WDR89: variants seen among roughly 807,000 people sequenced by gnomAD.
The protein encoded by WDR89 is WD repeat domain 89.
WDR89 carries 17 observed loss-of-function variants against 29.1 expected under a neutral mutation model. The ratio of observed to expected loss-of-function variants is 0.58; its 90% confidence interval spans 0.40 to 0.88. The LOEUF (loss-of-function observed/expected upper bound fraction) is 0.88. WDR89 is among the 40% of genes least tolerant of loss of function. The probability of loss-of-function intolerance (pLI) is 0.00; values close to 1 mark genes in which losing one functional copy is unlikely to be tolerated. For synonymous variants in WDR89, 138 were observed against 157.8 expected (o/e 0.87, Z 0.94); for missense variants, 396 against 456.3 (o/e 0.87, Z 1.20).
intron 2 of WDR89, among the ~76,000 whole-genome samples, chr14:63,614,121 T>A (rs1882159525): frequency 6.6e-6 from 1 of 152,064 alleles, no homozygotes; most frequent in Non-Finnish European, 1.5e-5. Context: ...TGTCTCTATA[T>A]AAGCATGTAG....
rs201451889 is a variant in WDR89, at chr14:63,610,217, C to CT, written c.-31-10245dup. Among the ~76,000 whole-genome samples, 232 of 61,690 alleles carry CT rather than the reference C, an allele frequency of 3.8e-3. 2 individuals carry two copies. Among genetic ancestry groups the CT allele is most frequent in the African/African-American group, 0.023 (225 of 9,644 alleles). 40.5% of individuals were successfully genotyped at this position (61,690 alleles called of 152,430 possible). Reference sequence around the variant, plus strand: ...CCGGGGCGACAGAGTAAGACTCTGTCTTAAAAAAAAAAAAAAAAAAAAAAA... The same window carrying CT: ...CCGGGGCGACAGAGTAAGACTCTGTCTTTAAAAAAAAAAAAAAAAAAAAAAA... On this transcript the variant is annotated intron_variant, in intron 2 of 2. Coordinates refer to ENST00000620954, the MANE Select transcript of WDR89 (RefSeq NM_080666.4).
intron 2 of WDR89, among the ~76,000 whole-genome samples, chr14:63,615,924 T>TAAAA (rs113469632): frequency 0.032 from 4,211 of 132,588 alleles, 212 homozygotes; most frequent in African/African-American, 0.11. Context: ...ACCCTGTCTT[T>TAAAA]AAAAAAAAAA....
Position 63,601,844 on chromosome 14 carries a change from T to G in WDR89, c.-31-1871A>C, listed in dbSNP as rs1342729040. 3 of 824,730 alleles carry G rather than the reference T, an allele frequency of 3.6e-6. No individual in the cohort carries two copies. In the African/African-American group the frequency reaches 5.0e-5, roughly 14 times the overall value. The allele number at this position is 824,730 out of a possible 1,614,324, so 51.1% of individuals were successfully genotyped here. A position where few individuals can be genotyped will look rare whatever the true frequency, so the allele number is the denominator to read the frequency against. On this transcript the variant is annotated intron_variant, in intron 2 of 2. Transcript: ENST00000620954. The stretch of plus-strand genomic sequence containing the variant: ...AGTCACTATTGAAATGGCATCAACA[T>G]GAAGCTGCCCATTCCACCGAAGTTC...
chr14:63,603,737 T>C (rs1895186924), intron 2 of WDR89, among the ~76,000 whole-genome samples: 1 of 152,286 alleles, frequency 6.6e-6, no homozygotes, highest in Admixed American at 6.5e-5. Flanking sequence ...AAGCCCCACA[T>C]GAGAAACTCC....
chr14:63,613,435 C>T (rs1021884066), intron 2 of WDR89, among the ~76,000 whole-genome samples: 19 of 151,814 alleles, frequency 1.3e-4, no homozygotes, highest in African/African-American at 4.6e-4. Context: ...ATTAAAATAC[C>T]TAAATTTTAG....
chr14:63,621,573 G>GGC (rs1882697557), intron 2 of WDR89, among the ~76,000 whole-genome samples: 1 of 152,030 alleles, frequency 6.6e-6, no homozygotes, highest in Non-Finnish European at 1.5e-5. Flanking sequence ...ACTGCAGCCT[G>GGC]AGTGGCAGAG....
chr14:63,622,604 CAA>C (rs945446776), intron 2 of WDR89, among the ~76,000 whole-genome samples: 71 of 150,118 alleles, frequency 4.7e-4, no homozygotes, highest in African/African-American at 1.6e-3. Context: ...ATCAAACAAA[CAA>C]AAAAACCAAA....
intron 2 of WDR89, among the ~76,000 whole-genome samples, chr14:63,612,750 A>T (rs1326184070): frequency 2.0e-5 from 3 of 152,166 alleles, no homozygotes; most frequent in Non-Finnish European, 4.4e-5. Context: ...GGGAGTTGGT[A>T]GGCAACCTCA....
chr14:63,622,040 AAT>A (rs1882728128), intron 2 of WDR89, among the ~76,000 whole-genome samples: 1 of 152,224 alleles, frequency 6.6e-6, no homozygotes, highest in Admixed American at 6.5e-5. Flanking sequence ...CATGAGGGTA[AAT>A]ATAAGACATT....
chr14:63,602,731 C>T (rs1408121031), intron 2 of WDR89, among the ~76,000 whole-genome samples: 9 of 149,568 alleles, frequency 6.0e-5, no homozygotes, highest in Non-Finnish European at 1.2e-4. Context: ...GAGATCGCGC[C>T]GTTGCACTCC....
chr14:63,598,663 C>T lies in WDR89; in HGVS notation c.*116G>A. The T allele has an allele frequency of 1.1e-6, 1 of 925,180 alleles. No individual in the cohort carries two copies. The highest frequency in any genetic ancestry group is 1.5e-6 in the Non-Finnish European group (1 of 665,840). The allele number at this position is 925,180 out of a possible 1,614,324, so 57.3% of individuals were successfully genotyped here. ...CCATTCTCACCATATTTTTCCAGGACTGTTTGCTAACTGGCTTGTTTTTAC... is the reference window on the plus strand; with the variant it reads ...CCATTCTCACCATATTTTTCCAGGATTGTTTGCTAACTGGCTTGTTTTTAC... On this transcript the variant is annotated 3_prime_UTR_variant, in exon 3 of 3. Coordinates refer to ENST00000620954, the MANE Select transcript of WDR89 (RefSeq NM_080666.4).
intron 2 of WDR89, among the ~76,000 whole-genome samples, chr14:63,609,284 C>T (rs991270891): frequency 2.6e-5 from 4 of 152,120 alleles, no homozygotes; most frequent in African/African-American, 9.7e-5. Flanking sequence ...AAATTCATTT[C>T]ACATTTTAAA....
rs572080635 is a variant in WDR89 at position 63,631,968 on chromosome 14, C to T, written c.-137-6935G>A. 1.1e-4 allele frequency among the ~76,000 whole-genome samples: 17 copies of T among 151,824 alleles called. No homozygotes were observed. The South Asian group carries it at 1.9e-3, about 17-fold the overall frequency. ...CTCTACTAAAAACAGAAAAATTAGC[C>T]GGGCGTGATGGGACACGCCTGTAAT... On this transcript the variant is annotated intron_variant, in intron 1 of 2. Coordinates refer to ENST00000620954, the MANE Select transcript of WDR89 (RefSeq NM_080666.4).
At chr14:63,621,400 C>T (rs1279851419) in intron 2 of WDR89, among the ~76,000 whole-genome samples, 1 of 151,990 alleles carries the variant, frequency 6.6e-6, no homozygotes, top group East Asian at 1.9e-4. Flanking sequence ...GAGTTCGAGA[C>T]CAGCCTGACC....
intron 2 of WDR89, among the ~76,000 whole-genome samples, chr14:63,612,621 C>T (rs914652285): frequency 2.0e-5 from 3 of 152,072 alleles, no homozygotes; most frequent in African/African-American, 7.2e-5. Flanking sequence ...GTGATCCATC[C>T]GCCTCGGCCT....
chr14:63,600,932 A>C (rs566048393), intron 2 of WDR89, among the ~76,000 whole-genome samples: 10 of 152,260 alleles, frequency 6.6e-5, no homozygotes, highest in African/African-American at 2.4e-4. Flanking sequence ...TATGGTAACA[A>C]CTGTCTTCAA....
chr14:63,626,675 T>G (rs1436948379), intron 1 of WDR89, among the ~76,000 whole-genome samples: 23 of 9,890 alleles, frequency 2.3e-3, no homozygotes, highest in African/African-American at 5.0e-3. Context: ...TGAGACTGTC[T>G]CAAAAAAAAA....
At chr14:63,617,333 A>G (rs1317364646) in intron 2 of WDR89, among the ~76,000 whole-genome samples, 3 of 152,092 alleles carry the variant, frequency 2.0e-5, no homozygotes, top group Non-Finnish European at 4.4e-5. Flanking sequence ...TACCAACCTC[A>G]GCCTCCCAAA....
chr14:63,622,305 C>T (rs1457930322), intron 2 of WDR89, among the ~76,000 whole-genome samples: 2 of 149,662 alleles, frequency 1.3e-5, no homozygotes, highest in Admixed American at 6.7e-5. Flanking sequence ...GGCAGCCGGG[C>T]GTGGTGGCTC....
Sources: allele counts gnomAD v4.1 joint callset (sites outside exome capture counted in the v4.1 genomes callset), GRCh38; gene constraint gnomAD v4.1.1; transcripts MANE v1.5; gene names NCBI Gene and HGNC (gene_info 2026-07-23, HGNC 2026-07-21).